The following CDYL variants were observed in gnomAD, a reference collection of about 807,000 sequenced individuals.
CDYL encodes chromodomain Y like.
In CDYL, 8 loss-of-function variants were observed where a neutral mutation model predicts 47.3. That is an observed-to-expected ratio of 0.17 (90% CI 0.10 to 0.31). The LOEUF is 0.31. Among genes scored for constraint, CDYL ranks in the 10% least tolerant of loss-of-function variants. CDYL has a pLI of 1.00. For missense variants in CDYL, 471 were observed against 701.4 expected, an observed-to-expected ratio of 0.67 and a Z score of 3.71; for synonymous variants, 266 against 265.0, an observed-to-expected ratio of 1.00 and a Z score of -0.04.
intron 2 of CDYL, among the ~76,000 whole-genome samples, chr6:4,914,495 G>A (rs949912213): frequency 6.6e-6 from 1 of 152,186 alleles, no homozygotes; most frequent in East Asian, 1.9e-4. Flanking sequence ...TTCTGCCGCA[G>A]TTGAGACAGT....
intron 2 of CDYL, among the ~76,000 whole-genome samples, chr6:4,726,046 G>C (rs372513882): frequency 3.7e-4 from 57 of 152,268 alleles, no homozygotes; most frequent in African/African-American, 1.2e-3. Flanking sequence ...AAATCATCAC[G>C]AATGTCAGCT....
intron 2 of CDYL, among the ~76,000 whole-genome samples, chr6:4,927,428 C>CGTGTGT (rs35317751): frequency 0.012 from 1,770 of 142,528 alleles, 32 homozygotes; most frequent in African/African-American, 0.036. Flanking sequence ...ATTTACTGTA[C>CGTGTGT]GTGTGTGTGT....
intron 2 of CDYL, among the ~76,000 whole-genome samples, chr6:4,720,894 A>C (rs938691729): frequency 6.6e-6 from 1 of 152,184 alleles, no homozygotes; most frequent in African/African-American, 2.4e-5. Context: ...AGCTGTTAAT[A>C]TTATCATTTA....
intron 2 of CDYL, among the ~76,000 whole-genome samples, chr6:4,717,703 C>CAAAAAAAAAAA (rs200835710): frequency 3.4e-4 from 17 of 49,346 alleles, no homozygotes; most frequent in African/African-American, 1.4e-3. Flanking sequence ...AAGACCCTCA[C>CAAAAAAAAAAA]AAAAAAAAAA....
chr6:4,893,642 G>A (rs900105622), intron 2 of CDYL, among the ~76,000 whole-genome samples: 35 of 151,348 alleles, frequency 2.3e-4, no homozygotes, highest in African/African-American at 8.0e-4. Context: ...GCAGTGAGCC[G>A]AGATGGTGCC....
intron 4 of CDYL, among the ~76,000 whole-genome samples, chr6:4,938,169 G>A (rs543005091): frequency 5.3e-5 from 8 of 152,008 alleles, no homozygotes; most frequent in African/African-American, 1.4e-4. Context: ...AAATTGTCTA[G>A]GCTTTATGAT....
intron 1 of CDYL, among the ~76,000 whole-genome samples, chr6:4,800,669 TAAAGG>T (rs1759198353): frequency 6.6e-6 from 1 of 152,222 alleles, no homozygotes; most frequent in Admixed American, 6.5e-5. Context: ...CCTTCATTTT[TAAAGG>T]AAACTTCTTC....
At chr6:4,860,541 A>G (rs115362019) in intron 1 of CDYL, among the ~76,000 whole-genome samples, 3,722 of 147,796 alleles carry the variant, frequency 0.025, 66 homozygotes, top group Non-Finnish European at 0.041. Context: ...ATTGTATATC[A>G]TGTATATATT....
chr6:4,834,665 G>A (rs1006245364), intron 1 of CDYL, among the ~76,000 whole-genome samples: 1 of 152,144 alleles, frequency 6.6e-6, no homozygotes, highest in African/African-American at 2.4e-5. Context: ...ATCCTGCAGA[G>A]TGTTTTCCAA....
intron 2 of CDYL, among the ~76,000 whole-genome samples, chr6:4,722,774 G>A (rs768362884): frequency 1.3e-4 from 20 of 152,186 alleles, no homozygotes; most frequent in African/African-American, 4.3e-4. Flanking sequence ...CTACTCGGGA[G>A]GCTGAGGCAT....
At chr6:4,834,283 T>G (rs1398974152) in intron 1 of CDYL, among the ~76,000 whole-genome samples, 3 of 152,096 alleles carry the variant, frequency 2.0e-5, no homozygotes, top group South Asian at 2.1e-4. Flanking sequence ...TGACAAAATC[T>G]CTCAGCATTT....
At chr6:4,900,261 TA>T (rs1355758262) in intron 2 of CDYL, among the ~76,000 whole-genome samples, 4 of 152,262 alleles carry the variant, frequency 2.6e-5, no homozygotes, top group Admixed American at 6.5e-5. Context: ...GAGAACTCTC[TA>T]TTTTAAGACT....
chr6:4,899,382 A>G (rs1423731954), intron 2 of CDYL, among the ~76,000 whole-genome samples: 1 of 152,188 alleles, frequency 6.6e-6, no homozygotes, highest in Non-Finnish European at 1.5e-5. Flanking sequence ...AAAAGAGGAA[A>G]CCCCAAAGAA....
In CDYL at chr6:4,943,651, T is replaced by C; in HGVS notation, c.1227T>C (p.Val409=). The change falls in exon 5 of 7, where the codon GTT becomes GTC. Residue 409 remains valine, a synonymous_variant. Transcript: ENST00000397588. The part of the protein sequence containing the change: ...GASILPLCDV[V]WANEKAWFQT... ...CTATATTGCCTCTTTGCGATGTGGT[T>C]TGGGCTAATGAAAAGGCTTGGTTTC... is the stretch of plus-strand genomic sequence containing the variant. 2 of 1,614,062 alleles carry C rather than the reference T, an allele frequency of 1.2e-6. No individual in the cohort carries two copies. The highest frequency in any genetic ancestry group is 2.2e-5 in the South Asian group (2 of 91,078).
chr6:4,954,201 T>A lies in CDYL; in HGVS notation c.*145T>A. On this transcript the variant is annotated 3_prime_UTR_variant, in exon 7 of 7. Coordinates refer to ENST00000397588, the MANE Select transcript of CDYL (RefSeq NM_004824.4). ...AGCAGGACTGGGAACATCCACGCTA[T>A]TTATTATCGAGGAGTTTTAAAGTAC... 2.7e-6 allele frequency: 2 copies of A among 728,184 alleles called. No individual in the cohort carries two copies. The highest frequency in any genetic ancestry group is 4.2e-6 in the Non-Finnish European group (2 of 470,850). 45.1% of individuals were successfully genotyped at this position (728,184 alleles called of 1,614,324 possible).
intron 5 of CDYL, among the ~76,000 whole-genome samples, chr6:4,950,413 A>C (rs1029271743): frequency 2.6e-5 from 4 of 152,314 alleles, no homozygotes; most frequent in East Asian, 3.9e-4. Flanking sequence ...AGAATGAAAG[A>C]AGCACAGTCT....
At chr6:4,844,770 A>T (rs1760604254) in intron 1 of CDYL, among the ~76,000 whole-genome samples, 1 of 152,106 alleles carries the variant, frequency 6.6e-6, no homozygotes, top group Non-Finnish European at 1.5e-5. Flanking sequence ...GTAGCTTATG[A>T]GTTCAGAGCA....
chr6:4,910,150 C>G (rs2127499601), intron 2 of CDYL, among the ~76,000 whole-genome samples: 1 of 152,174 alleles, frequency 6.6e-6, no homozygotes, highest in Admixed American at 6.5e-5. Context: ...CGCTCAGCCA[C>G]AGTTCTAGTT....
intron 1 of CDYL, among the ~76,000 whole-genome samples, chr6:4,864,588 C>T (rs1166296174): frequency 6.6e-6 from 1 of 152,104 alleles, no homozygotes; most frequent in Non-Finnish European, 1.5e-5. Context: ...GATAGGGACC[C>T]AGGGCAAGGG....
Sources: gnomAD v4.1 joint callset for allele counts (sites outside exome capture counted in the v4.1 genomes callset) on GRCh38, gnomAD v4.1.1 for gene constraint, MANE v1.5 for transcripts, NCBI Gene and HGNC (gene_info 2026-07-23, HGNC 2026-07-21) for gene names.